The following NOSTRIN variants were observed in gnomAD, a reference collection of about 807,000 sequenced individuals.
NOSTRIN encodes nitric oxide synthase trafficking, also known as BM247 homolog.
Under a neutral mutation model 59.0 loss-of-function variants are expected in NOSTRIN, and 63 were observed. That is an observed-to-expected ratio of 1.07 (90% confidence interval 0.87 to 1.32). The LOEUF is 1.32. NOSTRIN is among the 40% of genes most tolerant of loss of function. NOSTRIN has a pLI of 0.00. For synonymous variants in NOSTRIN, 200 were observed against 165.4 expected (o/e 1.21, Z -1.61); for missense variants, 512 against 473.1 (o/e 1.08, Z -0.76).
rs1009453283 is a variant in NOSTRIN, at chr2:168,859,366, T to C, written c.1054-146T>C. The C allele has an allele frequency of 1.8e-5, 22 of 1,249,562 alleles. 1 individual carries two copies. Among genetic ancestry groups the C allele is most frequent in the South Asian group, 3.2e-5 (2 of 61,590 alleles). 77.4% of individuals were successfully genotyped at this position (1,249,562 alleles called of 1,614,324 possible). A position where few individuals can be genotyped will look rare whatever the true frequency, so the allele number is the denominator to read the frequency against. ...AAGAGTTTATTCCTCCATTTTTTTT[T>C]CCTTCGGCATTTTCTGTGAATATCT... On this transcript the variant is annotated intron_variant, in intron 12 of 15. Transcript: ENST00000317647.
chr2:168,826,779 T>A (rs1687086173), intron 3 of NOSTRIN, among the ~76,000 whole-genome samples: 1 of 152,182 alleles, frequency 6.6e-6, no homozygotes, highest in Admixed American at 6.5e-5. Context: ...AGCATATGAT[T>A]TGATCAGTTT....
intron 2 of NOSTRIN, among the ~76,000 whole-genome samples, chr2:168,812,451 G>A (rs373115038): frequency 2.3e-3 from 352 of 152,254 alleles, no homozygotes; most frequent in Non-Finnish European, 4.4e-3. Context: ...CGCTTTTCAA[G>A]TTCTTAGTTG....
chr2:168,807,344 TCA>T (rs1685909767), intron 1 of NOSTRIN, among the ~76,000 whole-genome samples: 3 of 152,218 alleles, frequency 2.0e-5, no homozygotes, highest in African/African-American at 4.8e-5. Context: ...GGTCTGCTTT[TCA>T]CAGTTTTTGT....
chr2:168,815,453 A>T (rs1686345204), intron 2 of NOSTRIN, among the ~76,000 whole-genome samples: 1 of 152,230 alleles, frequency 6.6e-6, no homozygotes, highest in East Asian at 1.9e-4. Flanking sequence ...CTAATGTTTA[A>T]ACAGGCTTTG....
chr2:168,839,169 C>T (rs1180747898), intron 7 of NOSTRIN, among the ~76,000 whole-genome samples: 1 of 152,104 alleles, frequency 6.6e-6, no homozygotes, highest in South Asian at 2.1e-4. Flanking sequence ...CCCCATTCTC[C>T]GTCGTAAGCT....
chr2:168,831,599 A>T (rs1352601617), intron 6 of NOSTRIN, 65 bp downstream of exon 6: 1 of 797,456 alleles, frequency 1.3e-6, no homozygotes, highest in Non-Finnish European at 2.3e-6. Context: ...TTGCTTTCAT[A>T]CAAATGCGAT....
rs564646197 is a variant in NOSTRIN at position 168,851,280 on chromosome 2, G to A, written c.731G>A (p.Cys244Tyr). The A allele has an allele frequency of 9.0e-5, 146 of 1,613,782 alleles. 2 individuals carry two copies. In the South Asian group the frequency reaches 1.5e-3, roughly 17 times the overall value. Reference sequence around the variant, plus strand: ...ATTCTGTTCCCCTTGGCATTGCAGTGCCACACGCAGATTCACTGTGCCATC... The same window carrying A: ...ATTCTGTTCCCCTTGGCATTGCAGTACCACACGCAGATTCACTGTGCCATC... ...ISLFGQTLTT[C>Y]HTQIHCAISK... is the part of the protein sequence containing the mutation. Residue 244 changes from cysteine (C) to tyrosine (Y), a missense_variant and splice_region_variant, in exon 10 of 16, where the codon TGC becomes TAC. Coordinates refer to ENST00000317647, the MANE Select transcript of NOSTRIN (RefSeq NM_001039724.4).
In NOSTRIN at chr2:168,851,189, A is replaced by G. The variant is rs761030156; in HGVS notation, c.729+7A>G. The G allele has an allele frequency of 9.3e-6, 15 of 1,614,018 alleles. No homozygotes were observed. The South Asian group carries it at 1.5e-4, about 17-fold the overall frequency. ...TGGCCAAACCCTGACCACAGTGAGTAGAGATGATCTCTCCATTTCTGGTAT... is the reference window on the plus strand; with the variant it reads ...TGGCCAAACCCTGACCACAGTGAGTGGAGATGATCTCTCCATTTCTGGTAT... On this transcript the variant is annotated splice_region_variant and intron_variant, in intron 9 of 15. Coordinates refer to ENST00000317647, the MANE Select transcript of NOSTRIN (RefSeq NM_001039724.4).
chr2:168,859,672 T>A, intron 13 of NOSTRIN, 35 bp downstream of exon 13: 1 of 1,611,056 alleles, frequency 6.2e-7, no homozygotes, highest in Non-Finnish European at 8.5e-7. Flanking sequence ...AATTTCTTGA[T>A]TGGGCCTGCT....
At chr2:168,799,930 A>G (rs537156992), upstream of NOSTRIN, among the ~76,000 whole-genome samples, 3 of 152,310 alleles carry the variant, frequency 2.0e-5, no homozygotes, top group Middle Eastern at 3.4e-3. Flanking sequence ...TCCTCCTATT[A>G]TGAAGTGGAA....
chr2:168,863,228 A>ATTTG (rs761850181), intron 15 of NOSTRIN, among the ~76,000 whole-genome samples: 46 of 152,322 alleles, frequency 3.0e-4, no homozygotes, highest in African/African-American at 3.1e-4. Flanking sequence ...TGAAATCATT[A>ATTTG]TTTGTTTGAA....
At chr2:168,814,808 G>A (rs1039928800) in intron 2 of NOSTRIN, among the ~76,000 whole-genome samples, 1 of 152,194 alleles carries the variant, frequency 6.6e-6, no homozygotes, top group African/African-American at 2.4e-5. Flanking sequence ...GCTCATGCCT[G>A]TAATCCTAGC....
intron 3 of NOSTRIN, among the ~76,000 whole-genome samples, chr2:168,827,433 G>A (rs1246253729): frequency 6.6e-6 from 1 of 152,160 alleles, no homozygotes; most frequent in Non-Finnish European, 1.5e-5. Flanking sequence ...CATGAACAGG[G>A]CTCTCAAGCC....
chr2:168,833,120 C>G (rs1303799189), intron 6 of NOSTRIN, among the ~76,000 whole-genome samples: 1 of 152,140 alleles, frequency 6.6e-6, no homozygotes, highest in Non-Finnish European at 1.5e-5. Context: ...TAAAGAGTGA[C>G]AGCGAAATTA....
chr2:168,859,151 C>G (rs1032246990), intron 12 of NOSTRIN: 14 of 179,044 alleles, frequency 7.8e-5, no homozygotes, highest in Non-Finnish European at 1.2e-4. Context: ...GATGGCTCAC[C>G]TTCTTCGCAG....
At chr2:168,786,593 C>A (rs1481107343) in exon 1 of NOSTRIN, 1 of 152,068 alleles carries the variant, frequency 6.6e-6, no homozygotes, top group Admixed American at 6.5e-5. Context: ...AGACAGCCCA[C>A]CAGAAGGGAA....
rs938846989 is a variant in NOSTRIN, at chr2:168,828,761, A to G, written c.342+260A>G. Among the ~76,000 whole-genome samples, 197 of 152,252 alleles carry G rather than the reference A, an allele frequency of 1.3e-3. 4 individuals carry two copies. The highest frequency in any genetic ancestry group is 0.013 in the Admixed American group (195 of 15,298). The stretch of plus-strand genomic sequence containing the variant: ...TGAAGCATTCAAAATAAATTGTGAT[A>G]AATTCAAGCAATAGAATAATTTGCA... On this transcript the variant is annotated intron_variant, in intron 5 of 15. Coordinates refer to ENST00000317647, the MANE Select transcript of NOSTRIN (RefSeq NM_001039724.4).
chr2:168,818,299 G>T, intron 2 of NOSTRIN: 1 of 360,702 alleles, frequency 2.8e-6, no homozygotes, highest in Non-Finnish European at 5.7e-6. Context: ...GACTGCAGGT[G>T]TGTGCCACTG....
At position 168,860,866 on chromosome 2, in the gene NOSTRIN, G is replaced by A; in HGVS notation, c.1251G>A (p.Lys417=). 2 of 1,614,046 alleles carry A rather than the reference G, an allele frequency of 1.2e-6. No homozygotes were observed. Among genetic ancestry groups the A allele is most frequent in the Middle Eastern group, 1.6e-4 (1 of 6,062 alleles). Reference sequence around the variant, plus strand: ...AGAGATTAGAGAATATTGTGAGCAAGGCATCTTCTGGTGGGCAGAGCAATC... The same window carrying A: ...AGAGATTAGAGAATATTGTGAGCAAAGCATCTTCTGGTGGGCAGAGCAATC... ...LMKRLENIVS[K]ASSGGQSNPG... is the part of the protein sequence containing the mutation. The change falls in exon 14 of 16, where the codon AAG becomes AAA. Residue 417 remains lysine, a synonymous_variant. Transcript: ENST00000317647.
Sources: gnomAD v4.1 joint callset for allele counts (sites outside exome capture counted in the v4.1 genomes callset) on GRCh38, gnomAD v4.1.1 for gene constraint, MANE v1.5 for transcripts, NCBI Gene and HGNC (gene_info 2026-07-23, HGNC 2026-07-21) for gene names.